KLHL1: variants seen among roughly 807,000 people sequenced by gnomAD.
KLHL1 encodes the protein kelch like family member 1, also known as kelch-like protein 1.
Under a neutral mutation model 77.7 loss-of-function variants are expected in KLHL1, and 47 were observed. That is an observed-to-expected ratio of 0.60 (90% CI 0.48 to 0.77). KLHL1 has a LOEUF of 0.77. Ranked by LOEUF, KLHL1 falls within the 30% of genes least tolerant of loss-of-function variation. KLHL1 has a pLI of 0.00. For missense variants in KLHL1, 925 were observed against 910.8 expected, an observed-to-expected ratio of 1.02 and a Z score of -0.20; for synonymous variants, 360 against 325.2, an observed-to-expected ratio of 1.11 and a Z score of -1.15.
intron 5 of KLHL1, among the ~76,000 whole-genome samples, chr13:69,842,435 G>T (rs1324028851): frequency 6.6e-6 from 1 of 151,772 alleles, no homozygotes; most frequent in African/African-American, 2.4e-5. Context: ...ACAGGTATAT[G>T]CTAAAATGCT....
chr13:70,022,271 A>G (rs1885818542), intron 1 of KLHL1, among the ~76,000 whole-genome samples: 1 of 118,230 alleles, frequency 8.5e-6, no homozygotes, highest in Admixed American at 7.9e-5. Flanking sequence ...TAAGTTGATT[A>G]CGTGTGTGTT....
intron 1 of KLHL1, among the ~76,000 whole-genome samples, chr13:70,046,748 A>G (rs1455032196): frequency 6.6e-6 from 1 of 152,040 alleles, no homozygotes; most frequent in East Asian, 1.9e-4. Context: ...TCCTGGCCTC[A>G]AGTGATCCGC....
At chr13:69,774,556 T>G (rs1875733388) in intron 7 of KLHL1, among the ~76,000 whole-genome samples, 1 of 152,026 alleles carries the variant, frequency 6.6e-6, no homozygotes, top group Admixed American at 6.6e-5. Flanking sequence ...ATCTCAAAGT[T>G]TAAAATGCAG....
chr13:69,918,870 G>A (rs564320554), intron 4 of KLHL1, among the ~76,000 whole-genome samples: 77 of 152,096 alleles, frequency 5.1e-4, no homozygotes, highest in Admixed American at 1.3e-3. Context: ...TATAAAACAC[G>A]GGTTGTGTAA....
At chr13:69,876,416 A>C (rs1880765163) in intron 5 of KLHL1, among the ~76,000 whole-genome samples, 1 of 152,180 alleles carries the variant, frequency 6.6e-6, no homozygotes, top group African/African-American at 2.4e-5. Flanking sequence ...CACTACAAGT[A>C]ATCTTTTGGA....
chr13:70,078,156 C>T lies in KLHL1; in HGVS notation c.497+29047G>A, dbSNP rs113725878. Among the ~76,000 whole-genome samples the T allele has an allele frequency of 9.2e-5, 14 of 151,470 alleles. 1 individual carries two copies. Among genetic ancestry groups the T allele is most frequent in the African/African-American group, 3.4e-4 (14 of 41,334 alleles). ...ACAAAGCTTAGCTCCTCATGTCTGT[C>T]TAGCATGCTCTAATGAAGGGAATTA... On this transcript the variant is annotated intron_variant, in intron 1 of 10. Transcript: ENST00000377844.
intron 3 of KLHL1, among the ~76,000 whole-genome samples, chr13:69,944,403 T>C (rs1883453950): frequency 6.6e-6 from 1 of 152,210 alleles, no homozygotes; most frequent in South Asian, 2.1e-4. Flanking sequence ...CTTCGCCCCA[T>C]AGGTAGTTTA....
rs75266678 is a variant in KLHL1 at position 70,032,263 on chromosome 13, C to T, written c.498-56461G>A. On this transcript the variant is annotated intron_variant, in intron 1 of 10. Transcript: ENST00000377844. ...GATACTAGTAATTGTTGTGACAATG[C>T]GCAAAACACAAAATCCCCGAAGTCC... Among the ~76,000 whole-genome samples the T allele has an allele frequency of 7.8e-3, 1,180 of 152,172 alleles. 8 individuals are homozygous for T. The highest frequency in any genetic ancestry group is 0.024 in the Middle Eastern group (7 of 292).
chr13:69,719,312 G>C (rs1872926652), intron 9 of KLHL1, 57 bp downstream of exon 9: 3 of 1,429,066 alleles, frequency 2.1e-6, no homozygotes, highest in Non-Finnish European at 2.9e-6. Context: ...ACTTGAATCA[G>C]GCATCAATGT....
At chr13:70,036,471 T>G (rs1225345519) in intron 1 of KLHL1, among the ~76,000 whole-genome samples, 1 of 151,990 alleles carries the variant, frequency 6.6e-6, no homozygotes, top group Non-Finnish European at 1.5e-5. Context: ...ACAATTAGTT[T>G]TCCAATCAAT....
At chr13:69,784,881 C>CGTTT in intron 7 of KLHL1, among the ~76,000 whole-genome samples, 1 of 110,886 alleles carries the variant, frequency 9.0e-6, no homozygotes, top group South Asian at 3.2e-4. Flanking sequence ...ACAGAATATA[C>CGTTT]ATTTTTTTTT....
At chr13:70,017,971 C>T (rs545333024) in intron 1 of KLHL1, among the ~76,000 whole-genome samples, 43 of 152,094 alleles carry the variant, frequency 2.8e-4, no homozygotes, top group African/African-American at 9.6e-4. Context: ...AAAATAAGCG[C>T]TAATCTCCAA....
intron 2 of KLHL1, among the ~76,000 whole-genome samples, chr13:69,969,555 A>T (rs1338561256): frequency 6.6e-6 from 1 of 152,266 alleles, no homozygotes; most frequent in East Asian, 1.9e-4. Flanking sequence ...AACCAGCTTA[A>T]TCTTATGCAT....
At chr13:69,803,979 G>T (rs1334984258) in intron 6 of KLHL1, among the ~76,000 whole-genome samples, 1 of 152,214 alleles carries the variant, frequency 6.6e-6, no homozygotes, top group African/African-American at 2.4e-5. Context: ...GCCACCCCAG[G>T]CTTTGAACCT....
intron 9 of KLHL1, among the ~76,000 whole-genome samples, chr13:69,709,744 G>GA (rs1262453912): frequency 6.6e-6 from 1 of 151,868 alleles, no homozygotes; most frequent in African/African-American, 2.4e-5. Context: ...AAACTTTAGG[G>GA]AAAAAAGGAA....
intron 1 of KLHL1, among the ~76,000 whole-genome samples, chr13:70,094,734 G>A (rs964232985): frequency 6.6e-6 from 1 of 152,056 alleles, no homozygotes; most frequent in Non-Finnish European, 1.5e-5. Context: ...AGCCGGCCAA[G>A]TGTTTCTAAG....
intron 4 of KLHL1, among the ~76,000 whole-genome samples, chr13:69,888,054 C>T (rs1223870805): frequency 6.6e-6 from 1 of 152,118 alleles, no homozygotes; most frequent in African/African-American, 2.4e-5. Flanking sequence ...GTTCTAGAGA[C>T]TGGAAAGTCC....
intron 9 of KLHL1, among the ~76,000 whole-genome samples, chr13:69,718,093 G>A (rs1872857926): frequency 6.6e-6 from 1 of 152,058 alleles, no homozygotes; most frequent in Non-Finnish European, 1.5e-5. Flanking sequence ...TGTCATAAAT[G>A]GGAAAGAATA....
rs143344746 is a variant in KLHL1, at chr13:70,041,511, G to A, written c.497+65692C>T. Among the ~76,000 whole-genome samples, 176 of 152,262 alleles carry A rather than the reference G, an allele frequency of 1.2e-3. 2 individuals are homozygous for A. Among genetic ancestry groups the A allele is most frequent in the Non-Finnish European group, 1.9e-3 (127 of 68,006 alleles). On this transcript the variant is annotated intron_variant, in intron 1 of 10. Transcript: ENST00000377844. The stretch of plus-strand genomic sequence containing the variant: ...AGAGACTCTTTGTTACTGTTGGGTA[G>A]GGGTAAAGTGGGAGTTCAGGCTCCC...
Sources: gnomAD v4.1 joint callset for allele counts (sites outside exome capture counted in the v4.1 genomes callset) on GRCh38, gnomAD v4.1.1 for gene constraint, MANE v1.5 for transcripts, NCBI Gene and HGNC (gene_info 2026-07-23, HGNC 2026-07-21) for gene names.